AFG2A: variants seen among roughly 807,000 people sequenced by gnomAD.
AFG2A encodes the protein AAA ATPase AFG2A.
the AFG2A span, among the ~76,000 whole-genome samples, chr4:123,237,452 C>T: frequency 9.2e-5 from 14 of 151,770 alleles, no homozygotes; most frequent in East Asian, 2.7e-3. Flanking sequence ...ATAGTGACGC[C>T]ACTTGAGGCC....
At chr4:123,226,234 A>C in the AFG2A span, among the ~76,000 whole-genome samples, 1 of 152,152 alleles carries the variant, frequency 6.6e-6, no homozygotes, top group African/African-American at 2.4e-5. Context: ...CCTGGCCAGA[A>C]CTTCCAACAC....
At chr4:123,239,414 G>A in the AFG2A span, among the ~76,000 whole-genome samples, 4 of 152,290 alleles carry the variant, frequency 2.6e-5, no homozygotes, top group African/African-American at 4.8e-5. Context: ...AGGAAAAAAT[G>A]TTAAGGGTAG....
At chr4:123,090,836 G>A in the AFG2A span, 1 of 1,260,112 alleles carries the variant, frequency 7.9e-7, no homozygotes, top group Non-Finnish European at 1.1e-6. Context: ...TGTAAAGCAG[G>A]TTCACTGTGG....
chr4:123,018,870 T>G, the AFG2A span, among the ~76,000 whole-genome samples: 1 of 151,852 alleles, frequency 6.6e-6, no homozygotes, highest in Non-Finnish European at 1.5e-5. Flanking sequence ...TTAAGCTGAT[T>G]CATATTTATT....
chr4:123,297,768 C>T, the AFG2A span, among the ~76,000 whole-genome samples: 1 of 151,880 alleles, frequency 6.6e-6, no homozygotes, highest in East Asian at 1.9e-4. Context: ...AACAAGCAGC[C>T]CCATTGCAGC....
the AFG2A span, among the ~76,000 whole-genome samples, chr4:123,106,986 T>C: frequency 1.3e-5 from 2 of 152,184 alleles, no homozygotes; most frequent in Non-Finnish European, 2.9e-5. Flanking sequence ...AGGTGCTGGC[T>C]CCATGCAAGG....
the AFG2A span, among the ~76,000 whole-genome samples, chr4:123,252,265 A>T: frequency 4.6e-5 from 7 of 152,024 alleles, no homozygotes; most frequent in Non-Finnish European, 8.8e-5. Context: ...AGATATGATG[A>T]TATGACCCCA....
the AFG2A span, chr4:123,102,428 A>G: frequency 6.6e-6 from 1 of 151,964 alleles, no homozygotes; most frequent in Non-Finnish European, 1.5e-5. Context: ...AAAAAGGAGA[A>G]CTTGTTGAGC....
At chr4:122,988,667 T>C in the AFG2A span, among the ~76,000 whole-genome samples, 5 of 152,112 alleles carry the variant, frequency 3.3e-5, no homozygotes, top group Non-Finnish European at 4.4e-5. Flanking sequence ...AGTGCTGGGG[T>C]TACAGGCCTG....
At chr4:122,951,456 A>ACACACACACG in the AFG2A span, among the ~76,000 whole-genome samples, 6 of 151,158 alleles carry the variant, frequency 4.0e-5, no homozygotes, top group East Asian at 3.9e-4. Context: ...ACACACACAC[A>ACACACACACG]CACGCACGCA....
At chr4:122,999,751 A>G in the AFG2A span, among the ~76,000 whole-genome samples, 1 of 152,298 alleles carries the variant, frequency 6.6e-6, no homozygotes, top group Middle Eastern at 3.4e-3. Context: ...TGATGCCTCC[A>G]GCTTTGTTCT....
At chr4:123,125,494 A>G in the AFG2A span, among the ~76,000 whole-genome samples, 1 of 152,164 alleles carries the variant, frequency 6.6e-6, no homozygotes, top group African/African-American at 2.4e-5. Context: ...CAATTTTAAA[A>G]ATTTTAGCTC....
the AFG2A span, among the ~76,000 whole-genome samples, chr4:122,985,781 T>C: frequency 1.3e-5 from 2 of 151,520 alleles, no homozygotes; most frequent in African/African-American, 4.8e-5. Flanking sequence ...TTCTTTCTGC[T>C]CTGATCTTGG....
At chr4:123,307,218 C>T in the AFG2A span, among the ~76,000 whole-genome samples, 2 of 152,102 alleles carry the variant, frequency 1.3e-5, no homozygotes, top group South Asian at 2.1e-4. Flanking sequence ...TGTTGCCCAG[C>T]GTGGCCTTGA....
chr4:123,241,525 C>T, the AFG2A span, among the ~76,000 whole-genome samples: 1 of 152,130 alleles, frequency 6.6e-6, no homozygotes, highest in African/African-American at 2.4e-5. Context: ...GAACCAATGA[C>T]AAAAACCACA....
the AFG2A span, among the ~76,000 whole-genome samples, chr4:123,284,610 T>A: frequency 6.6e-6 from 1 of 152,156 alleles, no homozygotes; most frequent in Non-Finnish European, 1.5e-5. Context: ...AATGGAGAAG[T>A]TCCGAAGTTT....
the AFG2A span, chr4:122,928,949 G>A: frequency 6.9e-7 from 1 of 1,458,302 alleles, no homozygotes; most frequent in Admixed American, 2.5e-5. Flanking sequence ...CATATCTTAA[G>A]TGCTTGACTG....
the AFG2A span, among the ~76,000 whole-genome samples, chr4:123,113,875 A>G: frequency 1.3e-5 from 2 of 152,120 alleles, no homozygotes; most frequent in Non-Finnish European, 2.9e-5. Context: ...TCCTTTCTGT[A>G]GGCAGGTCAT....
the AFG2A span, among the ~76,000 whole-genome samples, chr4:123,289,803 G>A: frequency 1.3e-5 from 2 of 151,764 alleles, no homozygotes; most frequent in East Asian, 1.9e-4. Context: ...TTTTTTATAC[G>A]GTTGTTGGCC....
Sources: gnomAD v4.1 joint callset for allele counts (sites outside exome capture counted in the v4.1 genomes callset) on GRCh38, gnomAD v4.1.1 for gene constraint, MANE v1.5 for transcripts, NCBI Gene and HGNC (gene_info 2026-07-23, HGNC 2026-07-21) for gene names.